The following CLMN variants were observed in gnomAD, a reference collection of about 807,000 sequenced individuals.
The protein encoded by CLMN is calmin.
CLMN carries 57 observed loss-of-function variants against 92.7 expected under a neutral mutation model. The ratio of observed to expected loss-of-function variants is 0.61; its 90% confidence interval spans 0.50 to 0.77. The LOEUF (loss-of-function observed/expected upper bound fraction) is 0.77. Among genes scored for constraint, CLMN ranks in the 30% least tolerant of loss-of-function variants. The pLI is 0.00. For synonymous variants in CLMN, 466 were observed against 470.6 expected (o/e 0.99, Z 0.13); for missense variants, 1,158 against 1,237.5 (o/e 0.94, Z 0.96).
At chr14:95,247,212 A>G (rs1898606639) in intron 1 of CLMN, among the ~76,000 whole-genome samples, 1 of 152,212 alleles carries the variant, frequency 6.6e-6, no homozygotes, top group South Asian at 2.1e-4. Context: ...TGAAGTCCCT[A>G]CATGGTGCTT....
chr14:95,232,853 T>C (rs951461308), intron 1 of CLMN, among the ~76,000 whole-genome samples: 1 of 152,200 alleles, frequency 6.6e-6, no homozygotes, highest in Non-Finnish European at 1.5e-5. Flanking sequence ...TTGTTCCCCC[T>C]GTGGATGGAC....
At chr14:95,247,270 T>C (rs1898608728) in intron 1 of CLMN, among the ~76,000 whole-genome samples, 1 of 152,234 alleles carries the variant, frequency 6.6e-6, no homozygotes, top group Non-Finnish European at 1.5e-5. Context: ...GCCAGCATTT[T>C]CTATGCCTAG....
chr14:95,264,560 C>A lies in CLMN; in HGVS notation c.83-34427G>T, dbSNP rs118171397. Among the ~76,000 whole-genome samples, 14 of 152,282 alleles carry A rather than the reference C, an allele frequency of 9.2e-5. No individual in the cohort carries two copies. In the East Asian group the frequency reaches 2.7e-3, roughly 29 times the overall value. On this transcript the variant is annotated intron_variant, in intron 1 of 12. Coordinates refer to ENST00000298912, the MANE Select transcript of CLMN (RefSeq NM_024734.4). ...GAGGCGCGCAGAAGCTAAGGTTACA[C>A]TACTAGAAAATGAAGGAGGAAAGAC...
At chr14:95,319,012 T>C (rs759535897) in intron 1 of CLMN, among the ~76,000 whole-genome samples, 8 of 152,128 alleles carry the variant, frequency 5.3e-5, no homozygotes, top group Non-Finnish European at 1.0e-4. Flanking sequence ...TCACCTCTTC[T>C]CAGCTACCTC....
Position 95,194,094 on chromosome 14 carries a change from T to G in CLMN, c.2770-175A>C, listed in dbSNP as rs1896631945. Reference sequence around the variant, plus strand: ...GCTAAACAATATACATTCCTCTACCTCCTCCCCTAAGCCCCTCCCTTGTGA... The same window carrying G: ...GCTAAACAATATACATTCCTCTACCGCCTCCCCTAAGCCCCTCCCTTGTGA... On this transcript the variant is annotated intron_variant, in intron 11 of 12. Transcript: ENST00000298912. This position sits in a 1 kb window ranked among gnomAD's most constrained non-coding sequence, Gnocchi z 4.0. 14 of 1,429,624 alleles carry G rather than the reference T, an allele frequency of 9.8e-6. No homozygotes were observed. The highest frequency in any genetic ancestry group is 1.3e-5 in the Non-Finnish European group (14 of 1,098,388). The allele number at this position is 1,429,624 out of a possible 1,614,324, so 88.6% of individuals were successfully genotyped here.
chr14:95,196,586 C>T lies in CLMN; in HGVS notation c.2620G>A (p.Val874Ile), dbSNP rs552307990. The T allele has an allele frequency of 1.0e-4, 163 of 1,614,224 alleles. 2 individuals carry two copies. In the South Asian group the frequency reaches 1.6e-3, roughly 16 times the overall value. Residue 874 changes from valine (V) to isoleucine (I), a missense_variant, in exon 10 of 13, where the codon GTA becomes ATA. By Grantham distance (29) the Val-to-Ile change is conservative. Transcript: ENST00000298912. ...KKEKRKHVDHVESSLFVAPGS... is the reference protein window; with the variant it reads ...KKEKRKHVDHIESSLFVAPGS... ...GGTGCTACAAATAGTGAACTTTCTA[C>T]GTGGTCCACATGTTTCCTTTTTTCC...
At chr14:95,311,335 C>CT (rs1901528454) in intron 1 of CLMN, among the ~76,000 whole-genome samples, 1 of 152,142 alleles carries the variant, frequency 6.6e-6, no homozygotes, top group African/African-American at 2.4e-5. Context: ...GCAAAGCCTC[C>CT]TGGCTGCATG....
At chr14:95,292,611 A>AC (rs1374066408) in intron 1 of CLMN, among the ~76,000 whole-genome samples, 2 of 152,082 alleles carry the variant, frequency 1.3e-5, no homozygotes, top group Non-Finnish European at 2.9e-5. Flanking sequence ...TCTGCCCTGC[A>AC]CACTCACGGG....
chr14:95,202,928 G>A lies in CLMN; in HGVS notation c.2421C>T (p.Thr807=), dbSNP rs1249364188. ...GTGGAGCGGGTTCTGAGGCTGGTGTGGTACCCACACCACCCCTGCTGAGAT... is the reference window on the plus strand; with the variant it reads ...GTGGAGCGGGTTCTGAGGCTGGTGTAGTACCCACACCACCCCTGCTGAGAT... ...VLYLSRGGVG[T]TPASEPAPLA... Residue 807 remains threonine (T), a synonymous_variant, in exon 9 of 13, where the codon ACC becomes ACT. Coordinates refer to ENST00000298912, the MANE Select transcript of CLMN (RefSeq NM_024734.4). 1.9e-6 allele frequency: 3 copies of A among 1,610,990 alleles called. No individual in the cohort carries two copies. The highest frequency in any genetic ancestry group is 1.7e-6 in the Non-Finnish European group (2 of 1,178,944).
At chr14:95,193,637 A>C (rs2282268) in intron 12 of CLMN, among the ~76,000 whole-genome samples, 1 of 152,044 alleles carries the variant, frequency 6.6e-6, no homozygotes, top group Non-Finnish European at 1.5e-5. Context: ...ACCGGGCCCT[A>C]ACCATCAGTG....
At chr14:95,310,972 A>G (rs1901511227) in intron 1 of CLMN, among the ~76,000 whole-genome samples, 1 of 152,094 alleles carries the variant, frequency 6.6e-6, no homozygotes, top group South Asian at 2.1e-4. Context: ...GGTGCGAGAA[A>G]AGTCTTTGGG....
At chr14:95,213,508 C>A in intron 5 of CLMN, 99 bp from the exon 6 acceptor site, 1 of 1,114,938 alleles carries the variant, frequency 9.0e-7, no homozygotes, top group South Asian at 1.7e-5. Context: ...CTGGAGGGAC[C>A]GGCTCAGGCA....
chr14:95,282,764 G>A (rs11623520), intron 1 of CLMN, among the ~76,000 whole-genome samples: 87,595 of 152,194 alleles, frequency 0.58, 27,665 homozygotes, highest in Middle Eastern at 0.72. Context: ...AATCAGGGCC[G>A]GAAGGGGAAA....
At chr14:95,212,865 A>C (rs953668487) in intron 6 of CLMN, among the ~76,000 whole-genome samples, 4 of 150,034 alleles carry the variant, frequency 2.7e-5, no homozygotes, top group African/African-American at 9.9e-5. Flanking sequence ...GGCTCACTGC[A>C]AGCTCCGCCT....
intron 1 of CLMN, among the ~76,000 whole-genome samples, chr14:95,301,907 G>C (rs959851525): frequency 1.3e-5 from 2 of 152,228 alleles, no homozygotes; most frequent in East Asian, 1.9e-4. Flanking sequence ...CCTGAGTGCA[G>C]ACACCAAGTC....
Position 95,248,767 on chromosome 14 carries a change from G to A in CLMN, c.83-18634C>T, listed in dbSNP as rs1898670338. Among the ~76,000 whole-genome samples, 3 of 152,080 alleles carry A rather than the reference G, an allele frequency of 2.0e-5. No individual in the cohort carries two copies. In the South Asian group the frequency reaches 6.2e-4, roughly 32 times the overall value. The stretch of plus-strand genomic sequence containing the variant: ...CTTCAAAGTCTAAATGCCATAAAAG[G>A]GCTTCCCTGCATAAACAAGCCTGCA... On this transcript the variant is annotated intron_variant, in intron 1 of 12. Transcript: ENST00000298912.
intron 2 of CLMN, among the ~76,000 whole-genome samples, chr14:95,229,782 G>A (rs1459182931): frequency 6.6e-6 from 1 of 152,046 alleles, no homozygotes; most frequent in Non-Finnish European, 1.5e-5. Flanking sequence ...TCAGGTGTTG[G>A]TGTGTTCAAT....
At chr14:95,264,945 A>AAG (rs1450360159) in intron 1 of CLMN, among the ~76,000 whole-genome samples, 129 of 151,680 alleles carry the variant, frequency 8.5e-4, no homozygotes, top group African/African-American at 2.5e-3. Flanking sequence ...CTACCAAAAA[A>AAG]AAAAAAAAAA....
chr14:95,195,530 C>T (rs1376330122), intron 10 of CLMN, among the ~76,000 whole-genome samples: 1 of 152,252 alleles, frequency 6.6e-6, no homozygotes, highest in Non-Finnish European at 1.5e-5. Flanking sequence ...CTACCCCTCC[C>T]CAAATGCATA....
Sources: gnomAD v4.1 joint callset for allele counts (sites outside exome capture counted in the v4.1 genomes callset) on GRCh38, gnomAD v4.1.1 for gene constraint, Gnocchi (gnomAD v3.1) non-coding constraint, MANE v1.5 for transcripts, NCBI Gene and HGNC (gene_info 2026-07-23, HGNC 2026-07-21) for gene names.